The following GTF3A variants were observed in gnomAD, a reference collection of about 807,000 sequenced individuals.
The protein encoded by GTF3A is general transcription factor IIIA.
GTF3A carries 40 observed loss-of-function variants against 37.6 expected under a neutral mutation model. That is an observed-to-expected ratio of 1.06 (90% confidence interval 0.83 to 1.38). The LOEUF is 1.38. GTF3A is among the 40% of genes most tolerant of loss of function. The pLI is 0.00. For synonymous variants in GTF3A, 191 were observed against 166.7 expected (o/e 1.15, Z -1.12); for missense variants, 500 against 462.6 (o/e 1.08, Z -0.74).
intron 1 of GTF3A, 65 bp downstream of exon 1, chr13:27,425,003 C>CA: frequency 8.2e-7 from 1 of 1,217,190 alleles, no homozygotes; most frequent in Non-Finnish European, 1.1e-6. Flanking sequence ...GTAGCCACTG[C>CA]AGTCGTGGCC....
Position 27,424,804 on chromosome 13 carries a change from G to A in GTF3A, c.67G>A (p.Ala23Thr). 1 of 1,545,614 alleles carries A rather than the reference G, an allele frequency of 6.5e-7. No individual in the cohort carries two copies. Among genetic ancestry groups the A allele is most frequent in the Non-Finnish European group, 8.7e-7 (1 of 1,145,014 alleles). Reference sequence around the variant, plus strand: ...GACCATCGCCGACGCGTTCATTGCAGCCGGCGAGAGCTCAGCTCCGACCCC... The same window carrying A: ...GACCATCGCCGACGCGTTCATTGCAACCGGCGAGAGCTCAGCTCCGACCCC... Residue 23 changes from alanine (A) to threonine (T), a missense_variant, in exon 1 of 9, where the codon GCC becomes ACC. Ala to Thr is a moderately conservative substitution (Grantham distance 58). Transcript: ENST00000381140.
chr13:27,432,931 G>A (rs945349425), intron 5 of GTF3A, 127 bp downstream of exon 5: 3 of 729,100 alleles, frequency 4.1e-6, no homozygotes, highest in Non-Finnish European at 2.4e-6. Flanking sequence ...TGCTTATTTG[G>A]GTCTTACACT....
intron 2 of GTF3A, among the ~76,000 whole-genome samples, chr13:27,429,007 A>G (rs536687403): frequency 1.3e-5 from 2 of 152,232 alleles, no homozygotes; most frequent in South Asian, 4.1e-4. Context: ...GGGAGGCCGG[A>G]GAGTGCACTT....
At chr13:27,425,756 GCAGAGCTAGGCTT>G (rs945361523) in intron 1 of GTF3A, 35 of 152,150 alleles carry the variant, frequency 2.3e-4, no homozygotes, top group African/African-American at 8.5e-4. Flanking sequence ...CCAGTTTTTG[GCAGAGCTAGGCTT>G]CACACTGCCT....
rs754325233 is a variant in GTF3A at position 27,434,186 on chromosome 13, G to A, written c.610G>A (p.Glu204Lys). The A allele has an allele frequency of 1.1e-5, 16 of 1,407,922 alleles. No homozygotes were observed. Among genetic ancestry groups the A allele is most frequent in the Non-Finnish European group, 1.3e-5 (13 of 991,870 alleles). The allele number at this position is 1,407,922 out of a possible 1,614,324, so 87.2% of individuals were successfully genotyped here. The stretch of plus-strand genomic sequence containing the variant: ...TTCCTTTGTGGCAAAAACATGGACG[G>A]AACTTCTGAAACATGTGAGAGAAAC... The change falls in exon 6 of 9, where the codon GAA becomes AAA. Residue 204 changes from glutamate to lysine, a missense_variant. Physicochemically the swap from Glu to Lys is moderately conservative, Grantham distance 56. Transcript: ENST00000381140.
chr13:27,432,790 C>G lies in GTF3A; in HGVS notation c.548C>G (p.Ala183Gly), dbSNP rs752589544. ...TCACCCAGCAAGCTGAAACGACATG[C>G]CAAGGCCCACGAGGGTGTGTACGGA... is the stretch of plus-strand genomic sequence containing the variant. Residue 183 changes from alanine (A) to glycine (G), a missense_variant, in exon 5 of 9, where the codon GCC (alanine) becomes GGC (glycine). Coordinates refer to ENST00000381140, the MANE Select transcript of GTF3A (RefSeq NM_002097.3). The G allele has an allele frequency of 3.1e-6, 5 of 1,602,642 alleles. No homozygotes were observed. The highest frequency in any genetic ancestry group is 4.3e-6 in the Non-Finnish European group (5 of 1,174,368).
In GTF3A at chr13:27,427,193, G is replaced by C. The variant is rs1005720616; in HGVS notation, c.302+1G>C. Reference sequence around the variant, plus strand: ...CTCACACAGGAGAAAAGCCGTTTGTGTAAGTAGAGACCTGTTTTTAGGCTT... The same window carrying C: ...CTCACACAGGAGAAAAGCCGTTTGTCTAAGTAGAGACCTGTTTTTAGGCTT... On this transcript the variant is annotated splice_donor_variant, in intron 2 of 8. Coordinates refer to ENST00000381140, the MANE Select transcript of GTF3A (RefSeq NM_002097.3). LOFTEE classifies it high-confidence loss of function. 1.3e-6 allele frequency: 2 copies of C among 1,515,136 alleles called. No homozygotes were observed. Among genetic ancestry groups the C allele is most frequent in the Non-Finnish European group, 1.8e-6 (2 of 1,093,044 alleles). 93.9% of individuals were successfully genotyped at this position (1,515,136 alleles called of 1,614,324 possible). A position where few individuals can be genotyped will look rare whatever the true frequency, so the allele number is the denominator to read the frequency against.
intron 4 of GTF3A, among the ~76,000 whole-genome samples, chr13:27,432,365 T>C (rs1294052931): frequency 6.6e-6 from 1 of 152,184 alleles, no homozygotes; most frequent in Admixed American, 6.5e-5. Flanking sequence ...CTATGCAGCA[T>C]CATTAGGAAA....
In GTF3A at chr13:27,430,051, G is replaced by A. The variant is rs1019073717; in HGVS notation, c.399+85G>A. ...TCTGACATTTTCAGCCAGGTGCGGTGGCTCAAGCCTATAATCGTAGCTTGA... is the reference window on the plus strand; with the variant it reads ...TCTGACATTTTCAGCCAGGTGCGGTAGCTCAAGCCTATAATCGTAGCTTGA... On this transcript the variant is annotated intron_variant, in intron 3 of 8. Transcript: ENST00000381140. The A allele has an allele frequency of 1.1e-5, 7 of 666,266 alleles. No individual in the cohort carries two copies. In the Admixed American group the frequency reaches 1.4e-4, roughly 13 times the overall value. The allele number at this position is 666,266 out of a possible 1,614,324, so 41.3% of individuals were successfully genotyped here.
At chr13:27,434,684 T>C in intron 6 of GTF3A, 121 bp from the exon 7 acceptor site, 1 of 602,334 alleles carries the variant, frequency 1.7e-6, no homozygotes, top group Non-Finnish European at 2.9e-6. Flanking sequence ...CTTGGGAATT[T>C]CTGATTTGTA....
Position 27,434,829 on chromosome 13 carries a change from G to A in GTF3A, c.668G>A (p.Arg223Gln), listed in dbSNP as rs112839799. Reference sequence around the variant, plus strand: ...GAGGAAATACTATGTGAAGTATGCCGGAAAACATTTAAACGCAAAGATTAC... The same window carrying A: ...GAGGAAATACTATGTGAAGTATGCCAGAAAACATTTAAACGCAAAGATTAC... Residue 223 changes from arginine to glutamine, a missense_variant, in exon 7 of 9, where the codon CGG (arginine) becomes CAG (glutamine). By Grantham distance (43) the Arg-to-Gln change is conservative. Coordinates refer to ENST00000381140, the MANE Select transcript of GTF3A (RefSeq NM_002097.3). 102 of 1,611,052 alleles carry A rather than the reference G, an allele frequency of 6.3e-5. No homozygotes were observed. Among genetic ancestry groups the A allele is most frequent in the South Asian group, 2.3e-4 (21 of 90,850 alleles).
At chr13:27,425,143 G>A in intron 1 of GTF3A, 1 of 524,680 alleles carries the variant, frequency 1.9e-6, no homozygotes, top group Non-Finnish European at 3.5e-6. Context: ...AGGGGCTCGG[G>A]ATTTACTAAG....
chr13:27,425,313 C>A (rs917788290), intron 1 of GTF3A: 5 of 217,282 alleles, frequency 2.3e-5, no homozygotes, highest in Non-Finnish European at 4.6e-5. Flanking sequence ...GTGAAAGCAG[C>A]ATGTGCTCAT....
At chr13:27,429,790 A>G (rs1953641138) in intron 2 of GTF3A, 80 bp from the exon 3 acceptor site, 1 of 654,788 alleles carries the variant, frequency 1.5e-6, no homozygotes, top group African/African-American at 1.9e-5. Context: ...ATTAGCTTCT[A>G]TAAAGTAGGA....
rs1323462027 is a variant in GTF3A, at chr13:27,424,673, G to A, written c.-65G>A. The A allele has an allele frequency of 6.6e-6, 8 of 1,210,184 alleles. No individual in the cohort carries two copies. The Admixed American group carries it at 2.1e-4, about 32-fold the overall frequency. The allele number at this position is 1,210,184 out of a possible 1,614,324, so 75.0% of individuals were successfully genotyped here. ...CAGGGAGCCGTGGGCCGGGCGCGCC[G>A]GTTCCCGGCACGTGTCTCGGCACGT... On this transcript the variant is annotated 5_prime_UTR_variant, in exon 1 of 9. Transcript: ENST00000381140.
At chr13:27,427,767 C>T (rs1041834362) in intron 2 of GTF3A, among the ~76,000 whole-genome samples, 2 of 149,304 alleles carry the variant, frequency 1.3e-5, no homozygotes, top group Non-Finnish European at 3.0e-5. Context: ...AGTTACATAA[C>T]AAAACTAAAA....
At chr13:27,429,833 G>C (rs1320665001) in intron 2 of GTF3A, 37 bp from the exon 3 acceptor site, 1 of 1,117,040 alleles carries the variant, frequency 9.0e-7, no homozygotes, top group African/African-American at 1.6e-5. Flanking sequence ...CTTCTCCCTT[G>C]GTTTATTAAT....
In GTF3A at chr13:27,427,141, A is replaced by T; in HGVS notation, c.251A>T (p.Asp84Val). ...GGGTGTGGCAAGGCCTTCATCAGGG[A>T]CTACCATCTGAGCCGCCACATTCTG... Residue 84 changes from aspartate to valine, a missense_variant, in exon 2 of 9, where the codon GAC becomes GTC. Asp to Val is a radical substitution (Grantham distance 152). Coordinates refer to ENST00000381140, the MANE Select transcript of GTF3A (RefSeq NM_002097.3). 1 of 1,608,602 alleles carries T rather than the reference A, an allele frequency of 6.2e-7. No homozygotes were observed. Among genetic ancestry groups the T allele is most frequent in the Non-Finnish European group, 8.5e-7 (1 of 1,175,478 alleles).
intron 4 of GTF3A, among the ~76,000 whole-genome samples, 195 bp from the exon 5 acceptor site, chr13:27,432,536 T>G (rs1953666408): frequency 6.6e-6 from 1 of 152,302 alleles, no homozygotes; most frequent in African/African-American, 2.4e-5. Context: ...GACTTTTTTC[T>G]CCAACAGTTT....
Sources: gnomAD v4.1 joint callset for allele counts (sites outside exome capture counted in the v4.1 genomes callset) on GRCh38, gnomAD v4.1.1 for gene constraint, MANE v1.5 for transcripts, NCBI Gene and HGNC (gene_info 2026-07-23, HGNC 2026-07-21) for gene names.